HEXB: variants seen among roughly 807,000 people sequenced by gnomAD.
HEXB encodes hexosaminidase subunit beta.
Under a neutral mutation model 71.2 loss-of-function variants are expected in HEXB, and 51 were observed. That is an observed-to-expected ratio of 0.72 (90% CI 0.57 to 0.90). The LOEUF (loss-of-function observed/expected upper bound fraction) is 0.90, where lower values mean the gene tolerates loss of function less well. Among genes scored for constraint, HEXB ranks in the 40% least tolerant of loss-of-function variants. HEXB has a pLI of 0.00. For missense variants in HEXB, 617 were observed against 677.0 expected (o/e 0.91, Z 0.98); for synonymous variants, 266 against 249.3 (o/e 1.07, Z -0.63).
At chr5:74,717,319 C>G (rs780582112) in intron 9 of HEXB, among the ~76,000 whole-genome samples, 1 of 151,990 alleles carries the variant, frequency 6.6e-6, no homozygotes, top group Non-Finnish European at 1.5e-5. Context: ...TACTATATAC[C>G]TGTGCTACCC....
intron 6 of HEXB, 100 bp downstream of exon 6, chr5:74,705,420 G>A (rs1749363212): frequency 1.3e-6 from 1 of 772,678 alleles, no homozygotes; most frequent in Admixed American, 2.0e-5. Context: ...GAATCAAAGT[G>A]TAAAAATCAG....
At chr5:74,676,595 G>C (rs112636494) in intron 1 of HEXB, among the ~76,000 whole-genome samples, 5,512 of 152,194 alleles carry the variant, frequency 0.036, 332 homozygotes, top group African/African-American at 0.13. Context: ...GTGAAACCCT[G>C]ACTGTAGTAA....
At chr5:74,670,934 C>A (rs1416298666) in intron 1 of HEXB, among the ~76,000 whole-genome samples, 3 of 152,104 alleles carry the variant, frequency 2.0e-5, no homozygotes, top group Admixed American at 2.0e-4. Context: ...AGGATCTGTA[C>A]CAGAATGCAG....
chr5:74,641,081 G>A lies in HEXB; in HGVS notation c.-377+523G>A, dbSNP rs530091663. The A allele has an allele frequency of 3.9e-5, 6 of 152,268 alleles. No individual in the cohort carries two copies. The South Asian group carries it at 1.0e-3, about 26-fold the overall frequency. 9.4% of individuals were successfully genotyped at this position (152,268 alleles called of 1,614,324 possible). A position where few individuals can be genotyped will look rare whatever the true frequency, so the allele number is the denominator to read the frequency against. On this transcript the variant is annotated intron_variant, in intron 1 of 13. Coordinates refer to the HEXB transcript ENST00000511181. This position sits in a 1 kb window ranked among gnomAD's most constrained non-coding sequence, Gnocchi z 4.1. ...GCCAGCCTGGTTAATGGACAGCCCC[G>A]GATCTGAGGGACCCACCTTAGGGGA...
rs534314903 is a variant in HEXB at position 74,699,904 on chromosome 5, C to T, written c.669+2798C>T. ...CTGATCTAATGATAAAATATATCTCCTTGTTTTAATGTGCACTTCCTTGCT... is the reference window on the plus strand; with the variant it reads ...CTGATCTAATGATAAAATATATCTCTTTGTTTTAATGTGCACTTCCTTGCT... On this transcript the variant is annotated intron_variant, in intron 5 of 13. Transcript: ENST00000261416. Among the ~76,000 whole-genome samples, 148 of 148,284 alleles carry T rather than the reference C, an allele frequency of 1.0e-3. 2 individuals carry two copies. The highest frequency in any genetic ancestry group is 3.5e-3 in the African/African-American group (141 of 40,094).
chr5:74,716,078 AG>A (rs1405043298), intron 8 of HEXB, among the ~76,000 whole-genome samples: 2 of 150,734 alleles, frequency 1.3e-5, no homozygotes, highest in African/African-American at 2.4e-5. Flanking sequence ...GTAGCTGTAG[AG>A]GGCTCCACAC....
rs779204902 is a variant in HEXB, at chr5:74,721,188, A to G, written c.*13A>G. ...TGAGAACATGTAAAAAATGGAGGGGAAAAAGGCCACAGCAATCTGTACTAC... is the reference window on the plus strand; with the variant it reads ...TGAGAACATGTAAAAAATGGAGGGGGAAAAGGCCACAGCAATCTGTACTAC... On this transcript the variant is annotated 3_prime_UTR_variant, in exon 14 of 14. Coordinates refer to ENST00000261416, the MANE Select transcript of HEXB (RefSeq NM_000521.4). 7 of 1,590,254 alleles carry G rather than the reference A, an allele frequency of 4.4e-6. No individual in the cohort carries two copies. Among genetic ancestry groups the G allele is most frequent in the East Asian group, 2.2e-5 (1 of 44,628 alleles).
chr5:74,643,988 T>C (rs1206008246), intron 1 of HEXB, among the ~76,000 whole-genome samples: 1 of 152,248 alleles, frequency 6.6e-6, no homozygotes, highest in Non-Finnish European at 1.5e-5. Context: ...TTCAAGGCTG[T>C]GTCCTGGAGA....
chr5:74,689,626 A>C, intron 2 of HEXB, 153 bp downstream of exon 2: 1 of 727,096 alleles, frequency 1.4e-6, no homozygotes, highest in Non-Finnish European at 2.5e-6. Flanking sequence ...TCTGATTATA[A>C]AAGTAGTACA....
chr5:74,699,497 A>G (rs1311705254), intron 5 of HEXB, among the ~76,000 whole-genome samples: 1 of 150,764 alleles, frequency 6.6e-6, no homozygotes, highest in African/African-American at 2.4e-5. Context: ...CTGATCTTGA[A>G]CTCCTGACCT....
chr5:74,707,624 G>A (rs1480210219), intron 6 of HEXB, among the ~76,000 whole-genome samples: 7 of 152,146 alleles, frequency 4.6e-5, no homozygotes, highest in Non-Finnish European at 7.3e-5. Context: ...GCCAAGGCTC[G>A]AGAACTACGT....
Position 74,718,337 on chromosome 5 carries a change from C to G in HEXB, c.1216C>G (p.Gln406Glu). The change falls in exon 10 of 14, where the codon CAG becomes GAG. Residue 406 changes from glutamine to glutamate, a missense_variant. Transcript: ENST00000261416. ...ATINKGSIVW[Q>E]EVFDDKAKLA... ...CATAAACAAGGGATCCATTGTCTGGCAGGAGGTTTTTGATGATAAAGCAAA... is the reference window on the plus strand; with the variant it reads ...CATAAACAAGGGATCCATTGTCTGGGAGGAGGTTTTTGATGATAAAGCAAA... 1 of 1,611,800 alleles carries G rather than the reference C, an allele frequency of 6.2e-7. No individual in the cohort carries two copies. The highest frequency in any genetic ancestry group is 8.5e-7 in the Non-Finnish European group (1 of 1,178,000).
At chr5:74,684,943 C>T (rs1303643940), upstream of HEXB, among the ~76,000 whole-genome samples, 1 of 152,206 alleles carries the variant, frequency 6.6e-6, no homozygotes, top group African/African-American at 2.4e-5. Context: ...TCCCAAAGTG[C>T]TGGGGCTACA....
chr5:74,709,815 A>G (rs1330228167), intron 6 of HEXB, among the ~76,000 whole-genome samples: 1 of 152,216 alleles, frequency 6.6e-6, no homozygotes, highest in Non-Finnish European at 1.5e-5. Context: ...TCAACCAAAG[A>G]GTCCAGGACC....
chr5:74,694,013 G>A (rs1213854558), intron 3 of HEXB, among the ~76,000 whole-genome samples: 1 of 152,116 alleles, frequency 6.6e-6, no homozygotes, highest in Non-Finnish European at 1.5e-5. Context: ...ACACAAATTA[G>A]CCAGGCATAG....
At chr5:74,672,652 C>T (rs981692502) in intron 1 of HEXB, among the ~76,000 whole-genome samples, 1 of 152,210 alleles carries the variant, frequency 6.6e-6, no homozygotes, top group Non-Finnish European at 1.5e-5. Context: ...GACAGCAATG[C>T]CCTCTTAGCA....
At chr5:74,691,622 C>A (rs563618333) in intron 2 of HEXB, among the ~76,000 whole-genome samples, 1 of 152,146 alleles carries the variant, frequency 6.6e-6, no homozygotes, top group Non-Finnish European at 1.5e-5. Context: ...CAGGAACACA[C>A]GCATAAAGCA....
chr5:74,713,219 AT>A (rs1324363734), intron 6 of HEXB, among the ~76,000 whole-genome samples: 26 of 152,212 alleles, frequency 1.7e-4, no homozygotes, highest in African/African-American at 5.3e-4. Flanking sequence ...TATACTGAGA[AT>A]TTATTGCTAA....
chr5:74,676,392 A>G (rs1236994319), intron 1 of HEXB, among the ~76,000 whole-genome samples: 1 of 152,008 alleles, frequency 6.6e-6, no homozygotes, highest in Admixed American at 6.6e-5. Flanking sequence ...TAATCTTCCC[A>G]CCTCAGCTTC....
Sources: allele counts gnomAD v4.1 joint callset (sites outside exome capture counted in the v4.1 genomes callset), GRCh38; gene constraint gnomAD v4.1.1; non-coding constraint Gnocchi (gnomAD v3.1); transcripts MANE v1.5; gene names NCBI Gene and HGNC (gene_info 2026-07-23, HGNC 2026-07-21).